Variants in MB21D2 observed in about 807,000 individuals in gnomAD.
MB21D2 encodes nucleotidyltransferase MB21D2.
In MB21D2, 9 loss-of-function variants were observed where a neutral mutation model predicts 33.3. The observed-to-expected ratio is 0.27, with a 90% confidence interval of 0.16 to 0.47. The LOEUF (loss-of-function observed/expected upper bound fraction) is 0.47, where lower values mean the gene tolerates loss of function less well. MB21D2 is among the 20% of genes least tolerant of loss of function. The probability of loss-of-function intolerance (pLI) is 0.99; values close to 1 mark genes in which losing one functional copy is unlikely to be tolerated. For missense variants in MB21D2, 540 were observed against 624.6 expected, an observed-to-expected ratio of 0.86 and a Z score of 1.44; for synonymous variants, 241 against 236.3, an observed-to-expected ratio of 1.02 and a Z score of -0.18.
At chr3:192,803,441 A>G (rs1711596277) in intron 1 of MB21D2, among the ~76,000 whole-genome samples, 1 of 152,212 alleles carries the variant, frequency 6.6e-6, no homozygotes, top group South Asian at 2.1e-4. Flanking sequence ...TATAAGAAAC[A>G]AAGTCCCTAA....
chr3:192,898,448 A>C (rs1714024930), intron 1 of MB21D2, among the ~76,000 whole-genome samples: 2 of 152,218 alleles, frequency 1.3e-5, no homozygotes, highest in South Asian at 4.1e-4. Flanking sequence ...TTATAATTTC[A>C]TGATTATATG....
At chr3:192,818,766 T>C (rs983722256) in intron 1 of MB21D2, among the ~76,000 whole-genome samples, 2 of 152,148 alleles carry the variant, frequency 1.3e-5, no homozygotes, top group Admixed American at 1.3e-4. Context: ...CTATAAGTCA[T>C]GCTGGTTTTT....
intron 1 of MB21D2, among the ~76,000 whole-genome samples, chr3:192,864,935 C>A: frequency 6.6e-6 from 1 of 152,158 alleles, no homozygotes; most frequent in East Asian, 1.9e-4. Flanking sequence ...ATATACCCAC[C>A]TTGCAGTTTC....
intron 1 of MB21D2, among the ~76,000 whole-genome samples, chr3:192,889,356 G>A (rs1713802600): frequency 6.6e-6 from 1 of 152,066 alleles, no homozygotes; most frequent in African/African-American, 2.4e-5. Context: ...TGGAATGGCT[G>A]GAATGCACAG....
chr3:192,875,025 A>AC (rs1553860399), intron 1 of MB21D2, among the ~76,000 whole-genome samples: 1 of 150,976 alleles, frequency 6.6e-6, no homozygotes, highest in Non-Finnish European at 1.5e-5. Flanking sequence ...TAAAAAAAAA[A>AC]CAAAAAACTC....
intron 1 of MB21D2, among the ~76,000 whole-genome samples, chr3:192,909,991 C>A (rs11720714): frequency 6.9e-6 from 1 of 143,948 alleles, no homozygotes; most frequent in South Asian, 2.3e-4. Context: ...AGAAAAGAGC[C>A]TAAGAGCCTA....
intron 1 of MB21D2, among the ~76,000 whole-genome samples, chr3:192,906,339 A>C (rs1714214965): frequency 6.6e-6 from 1 of 152,198 alleles, no homozygotes; most frequent in African/African-American, 2.4e-5. Context: ...CTTTACCCAC[A>C]AAAAGCAGCT....
At chr3:192,835,847 A>G (rs1712425624) in intron 1 of MB21D2, among the ~76,000 whole-genome samples, 1 of 152,028 alleles carries the variant, frequency 6.6e-6, no homozygotes, top group Admixed American at 6.6e-5. Flanking sequence ...TTGGGGGAAA[A>G]AAAAAAAAAA....
chr3:192,911,245 T>C (rs1714345749), intron 1 of MB21D2, among the ~76,000 whole-genome samples: 2 of 152,172 alleles, frequency 1.3e-5, no homozygotes, highest in Non-Finnish European at 2.9e-5. Flanking sequence ...CCACAGTTTT[T>C]TTTTTTTAAC....
chr3:192,817,232 G>A (rs1197678429), intron 1 of MB21D2, among the ~76,000 whole-genome samples: 2 of 152,192 alleles, frequency 1.3e-5, no homozygotes, highest in Non-Finnish European at 2.9e-5. Context: ...CTGTGTTTGA[G>A]TCACCCCTTT....
intron 1 of MB21D2, among the ~76,000 whole-genome samples, chr3:192,815,305 C>A (rs1197746762): frequency 6.6e-6 from 1 of 152,124 alleles, no homozygotes; most frequent in Admixed American, 6.5e-5. Context: ...CTGAACCTGG[C>A]ACAGGTGCCA....
At chr3:192,844,537 G>A (rs1217132608) in intron 1 of MB21D2, among the ~76,000 whole-genome samples, 4 of 152,148 alleles carry the variant, frequency 2.6e-5, no homozygotes, top group Admixed American at 6.6e-5. Context: ...AGCTTAAAAC[G>A]TAATCCAAAG....
chr3:192,860,033 C>T (rs1192303936), intron 1 of MB21D2, among the ~76,000 whole-genome samples: 1 of 152,258 alleles, frequency 6.6e-6, no homozygotes, highest in Non-Finnish European at 1.5e-5. Context: ...CACTCACTCT[C>T]AGGAGACCAC....
Position 192,917,802 on chromosome 3 carries a change from G to A in MB21D2, c.39C>T (p.Ser13=). 3 of 1,612,572 alleles carry A rather than the reference G, an allele frequency of 1.9e-6. No homozygotes were observed. The highest frequency in any genetic ancestry group is 2.5e-6 in the Non-Finnish European group (3 of 1,179,598). The change falls in exon 1 of 2, where the codon TCC becomes TCT. Residue 13 remains serine (S), a synonymous_variant. Transcript: ENST00000392452. ...MAAPTANKAA[S]LGCNNKPAFP... is the part of the protein sequence containing the mutation. ...ACGCAGGCTTGTTGTTACAGCCCAG[G>A]GAGGCTGCCTTGTTGGCGGTGGGAG...
At chr3:192,915,969 TAACTA>T (rs1714454368) in intron 1 of MB21D2, among the ~76,000 whole-genome samples, 1 of 152,110 alleles carries the variant, frequency 6.6e-6, no homozygotes, top group Admixed American at 6.6e-5. Context: ...AGGCTATGAT[TAACTA>T]AACAACTTAA....
intron 1 of MB21D2, among the ~76,000 whole-genome samples, chr3:192,904,438 T>C (rs958702914): frequency 6.6e-6 from 1 of 152,176 alleles, no homozygotes; most frequent in Non-Finnish European, 1.5e-5. Context: ...TTTGATTTAT[T>C]CTCAATACTT....
intron 1 of MB21D2, among the ~76,000 whole-genome samples, chr3:192,839,497 C>T (rs1261567200): frequency 6.6e-6 from 1 of 152,122 alleles, no homozygotes; most frequent in East Asian, 1.9e-4. Context: ...TAATTGCTCC[C>T]TAAATGTTTA....
At chr3:192,866,879 C>T (rs1376470855) in intron 1 of MB21D2, among the ~76,000 whole-genome samples, 1 of 152,114 alleles carries the variant, frequency 6.6e-6, no homozygotes, top group Non-Finnish European at 1.5e-5. Flanking sequence ...TCTCTCCCCT[C>T]CCGCTTCACA....
chr3:192,857,587 C>T (rs921291015), intron 1 of MB21D2, among the ~76,000 whole-genome samples: 1 of 151,900 alleles, frequency 6.6e-6, no homozygotes, highest in African/African-American at 2.4e-5. Context: ...CTGCCATAAG[C>T]GTGACTACTC....
Sources: allele counts gnomAD v4.1 joint callset (sites outside exome capture counted in the v4.1 genomes callset), GRCh38; gene constraint gnomAD v4.1.1; transcripts MANE v1.5; gene names NCBI Gene and HGNC (gene_info 2026-07-23, HGNC 2026-07-21).